The following ATF7IP variants were observed in gnomAD, a reference collection of about 807,000 sequenced individuals.
ATF7IP encodes activating transcription factor 7-interacting protein 1.
In ATF7IP, 23 loss-of-function variants were observed where a neutral mutation model predicts 106.4. The ratio of observed to expected loss-of-function variants is 0.22; its 90% CI spans 0.16 to 0.31. ATF7IP has a LOEUF of 0.31. Among genes scored for constraint, ATF7IP ranks in the 10% least tolerant of loss-of-function variants. The pLI, the probability that ATF7IP is intolerant of heterozygous loss-of-function variation, is 1.00. For synonymous variants in ATF7IP, 542 were observed against 539.0 expected (o/e 1.01, Z -0.08); for missense variants, 1,334 against 1,524.3 (o/e 0.88, Z 2.08).
intron 1 of ATF7IP, among the ~76,000 whole-genome samples, chr12:14,421,129 A>G (rs977311797): frequency 2.0e-5 from 3 of 152,242 alleles, no homozygotes; most frequent in Non-Finnish European, 2.9e-5. Context: ...TCCTATTTCA[A>G]TATCAGACAT....
At position 14,406,665 on chromosome 12, in the gene ATF7IP, G is replaced by GTT. The variant is rs370770745; in HGVS notation, c.-7-17228_-7-17227dup. Among the ~76,000 whole-genome samples, 67 of 132,364 alleles carry GTT rather than the reference G, an allele frequency of 5.1e-4. 1 individual carries two copies. Among genetic ancestry groups the GTT allele is most frequent in the East Asian group, 2.4e-3 (11 of 4,534 alleles). 86.8% of individuals were successfully genotyped at this position (132,364 alleles called of 152,430 possible). ...GTGTTTAAAATAACAGTATTTATGG[G>GTT]TTTTTTTTTTTTTTTTTGAGATGGA... On this transcript the variant is annotated intron_variant, in intron 1 of 14. Transcript: ENST00000261168.
intron 2 of ATF7IP, among the ~76,000 whole-genome samples, chr12:14,433,413 G>A (rs908652756): frequency 8.5e-5 from 13 of 152,292 alleles, no homozygotes; most frequent in African/African-American, 2.9e-4. Context: ...GCTGAGGCAG[G>A]AGAATTGCTT....
At chr12:14,411,333 C>T (rs1028317791) in intron 1 of ATF7IP, among the ~76,000 whole-genome samples, 1 of 152,084 alleles carries the variant, frequency 6.6e-6, no homozygotes, top group African/African-American at 2.4e-5. Flanking sequence ...GAGATGTTAT[C>T]TCATTGTGGT....
At chr12:14,420,263 T>C (rs1941427856) in intron 1 of ATF7IP, 2 of 152,188 alleles carry the variant, frequency 1.3e-5, no homozygotes, top group African/African-American at 4.8e-5. Flanking sequence ...GTGGGGGCAC[T>C]TCTATTCTTG....
At chr12:14,398,931 ATTT>A (rs1269882735) in intron 1 of ATF7IP, among the ~76,000 whole-genome samples, 1 of 151,940 alleles carries the variant, frequency 6.6e-6, no homozygotes, top group African/African-American at 2.4e-5. Context: ...AGCTAATGAT[ATTT>A]TTGTTGTTTT....
intron 1 of ATF7IP, among the ~76,000 whole-genome samples, chr12:14,368,612 CT>C (rs752529929): frequency 1.3e-5 from 2 of 151,780 alleles, no homozygotes; most frequent in African/African-American, 2.4e-5. Context: ...TTGATAAAAA[CT>C]TTTTTTTGAA....
chr12:14,398,640 G>T (rs1057423371), intron 1 of ATF7IP, among the ~76,000 whole-genome samples: 6 of 151,692 alleles, frequency 4.0e-5, no homozygotes, highest in Admixed American at 1.3e-4. Flanking sequence ...GTTGTTCATT[G>T]CTTATTACTT....
chr12:14,494,333 ATGTGTGTG>A (rs1210425478), intron 13 of ATF7IP, among the ~76,000 whole-genome samples: 6 of 86,012 alleles, frequency 7.0e-5, no homozygotes, highest in East Asian at 4.0e-4. Context: ...ATATATATAT[ATGTGTGTG>A]TGTATATGTA....
At chr12:14,388,949 T>G (rs971676971) in intron 1 of ATF7IP, among the ~76,000 whole-genome samples, 1 of 152,360 alleles carries the variant, frequency 6.6e-6, no homozygotes, top group Admixed American at 6.5e-5. Context: ...GTTCATTCCA[T>G]TTTTTGATTT....
chr12:14,424,554 A>T lies in ATF7IP; in HGVS notation c.639A>T (p.Glu213Asp). ...DPTSSDPIPG[E>D]PVPVEPISGD... ...CCTCTAGTGATCCCATCCCAGGTGA[A>T]CCGGTCCCTGTTGAACCCATTTCTG... The change falls in exon 2 of 15, where the codon GAA becomes GAT. Residue 213 changes from glutamate to aspartate, a missense_variant. By Grantham distance (45) the Glu-to-Asp change is conservative (BLOSUM62 2). This residue lies in a region of ATF7IP where 438 missense variants were observed against 405.3 expected (regional missense o/e 1.08). Transcript: ENST00000261168. The T allele has an allele frequency of 6.2e-7, 1 of 1,614,114 alleles. No homozygotes were observed. The highest frequency in any genetic ancestry group is 2.2e-5 in the East Asian group (1 of 44,870).
chr12:14,424,143 G>T lies in ATF7IP; in HGVS notation c.228G>T (p.Glu76Asp). 1 of 1,614,200 alleles carries T rather than the reference G, an allele frequency of 6.2e-7. No homozygotes were observed. Among genetic ancestry groups the T allele is most frequent in the Non-Finnish European group, 8.5e-7 (1 of 1,180,028 alleles). ...KDKEEVNGIE[E>D]ICFDPEGSKA... ...AGGAAGAGGTGAATGGCATTGAAGA[G>T]ATTTGTTTTGATCCTGAAGGAAGTA... The change falls in exon 2 of 15, where the codon GAG becomes GAT. Residue 76 changes from glutamate to aspartate, a missense_variant. Glu to Asp is a conservative substitution (Grantham distance 45). Coordinates refer to ENST00000261168, the MANE Select transcript of ATF7IP (RefSeq NM_018179.5).
chr12:14,474,433 C>G lies in ATF7IP; in HGVS notation c.2863-1457C>G, dbSNP rs889034142. On this transcript the variant is annotated intron_variant, in intron 10 of 14. Transcript: ENST00000261168. ...TTTTTTTTTTTGAGATGGAGTCTTG[C>G]TCTGCCACCTAGGCTGGAGTGCAGT... Among the ~76,000 whole-genome samples the G allele has an allele frequency of 7.8e-5, 11 of 140,660 alleles. No homozygotes were observed. In the Admixed American group the frequency reaches 8.2e-4, roughly 11 times the overall value. The allele number at this position is 140,660 out of a possible 152,430, so 92.3% of individuals were successfully genotyped here. A position where few individuals can be genotyped will look rare whatever the true frequency, so the allele number is the denominator to read the frequency against.
chr12:14,372,358 T>C (rs1207876033), intron 1 of ATF7IP, among the ~76,000 whole-genome samples: 1 of 151,852 alleles, frequency 6.6e-6, no homozygotes, highest in African/African-American at 2.4e-5. Flanking sequence ...AGATCAGGGC[T>C]ACTAGTGCTT....
chr12:14,441,354 G>C (rs1942686015), intron 5 of ATF7IP, among the ~76,000 whole-genome samples: 1 of 152,006 alleles, frequency 6.6e-6, no homozygotes, highest in Non-Finnish European at 1.5e-5. Context: ...AACTTTTCAT[G>C]TACTTGTTGA....
At chr12:14,488,314 C>CT (rs1459944849) in intron 13 of ATF7IP, among the ~76,000 whole-genome samples, 7 of 152,180 alleles carry the variant, frequency 4.6e-5, no homozygotes, top group Non-Finnish European at 8.8e-5. Context: ...CCACAATAGT[C>CT]TATCTGCAAG....
chr12:14,378,784 ACCAGGATG>A (rs899982312), intron 1 of ATF7IP, among the ~76,000 whole-genome samples: 18 of 152,332 alleles, frequency 1.2e-4, no homozygotes, highest in African/African-American at 3.8e-4. Context: ...TCAACTTTAT[ACCAGGATG>A]CCTGCATCCA....
chr12:14,424,427 C>G lies in ATF7IP; in HGVS notation c.512C>G (p.Ser171Cys), dbSNP rs773437596. 1.9e-6 allele frequency: 3 copies of G among 1,613,630 alleles called. No homozygotes were observed. In the South Asian group the frequency reaches 3.3e-5, roughly 18 times the overall value. The change falls in exon 2 of 15, where the codon TCT becomes TGT. Residue 171 changes from serine (S) to cysteine (C), a missense_variant. This residue lies in a region of ATF7IP where 438 missense variants were observed against 405.3 expected (regional missense o/e 1.08). Coordinates refer to ENST00000261168, the MANE Select transcript of ATF7IP (RefSeq NM_018179.5). ...GAGCCCTCCTCTAGTGATGCTGCCT[C>G]TGGTGATGCAACCTCTGGTGATGCC... ...SSEPSSSDAASGDATSGDAPS... is the reference protein window; with the variant it reads ...SSEPSSSDAACGDATSGDAPS...
At chr12:14,415,648 A>G (rs771339897) in intron 1 of ATF7IP, among the ~76,000 whole-genome samples, 9 of 151,078 alleles carry the variant, frequency 6.0e-5, no homozygotes, top group African/African-American at 1.9e-4. Flanking sequence ...AACTTACTCA[A>G]CTGAGTTTAT....
intron 10 of ATF7IP, 142 bp from the exon 11 acceptor site, chr12:14,475,748 C>G: frequency 5.2e-6 from 3 of 578,656 alleles, no homozygotes; most frequent in East Asian, 3.0e-5. Context: ...GACAAACTCT[C>G]TTTATTCAGG....
Sources: allele counts gnomAD v4.1 joint callset (sites outside exome capture counted in the v4.1 genomes callset), GRCh38; gene constraint gnomAD v4.1.1; regional missense constraint gnomAD v4.1.1; transcripts MANE v1.5; gene names NCBI Gene and HGNC (gene_info 2026-07-23, HGNC 2026-07-21).